Variants in CEP43 observed in about 807,000 individuals in gnomAD.
The protein encoded by CEP43 is FGFR1 oncogene partner.
CEP43 carries 36 observed loss-of-function variants against 52.6 expected under a neutral mutation model. The ratio of observed to expected loss-of-function variants is 0.68; its 90% CI spans 0.52 to 0.90. The LOEUF (loss-of-function observed/expected upper bound fraction) is 0.90. Ranked by LOEUF, CEP43 falls within the 40% of genes least tolerant of loss-of-function variation. The probability of loss-of-function intolerance (pLI) is 0.00; values close to 1 mark genes in which losing one functional copy is unlikely to be tolerated. For missense variants in CEP43, 506 were observed against 472.8 expected (o/e 1.07, Z -0.65); for synonymous variants, 192 against 172.4 (o/e 1.11, Z -0.89).
chr6:167,009,713 A>C (rs1451804727), intron 5 of CEP43, among the ~76,000 whole-genome samples: 1 of 150,794 alleles, frequency 6.6e-6, no homozygotes, highest in Non-Finnish European at 1.5e-5. Context: ...GTGCATTCCT[A>C]TAATCCCAGC....
At chr6:167,034,108 C>G in intron 12 of CEP43, 137 bp downstream of exon 12, 1 of 453,222 alleles carries the variant, frequency 2.2e-6, no homozygotes, top group Non-Finnish European at 3.9e-6. Flanking sequence ...AGACCTGGCT[C>G]GAGTTTATAA....
chr6:167,022,569 A>G lies in CEP43; in HGVS notation c.740A>G (p.Glu247Gly). 1.2e-6 allele frequency: 2 copies of G among 1,614,158 alleles called. No individual in the cohort carries two copies. The change falls in exon 8 of 13, where the codon GAA becomes GGA. Residue 247 changes from glutamate (E) to glycine (G), a missense_variant. Transcript: ENST00000366847. ...GACAAAGCTGGCCTTTGTCCAGATG[A>G]AGATGATATGGAAGGAGATTCTTTC... Reference protein sequence around the residue: ...GKDKAGLCPDEDDMEGDSFFD... With the variant: ...GKDKAGLCPDGDDMEGDSFFD...
At chr6:167,033,097 C>CCCT (rs1780506128) in intron 11 of CEP43, among the ~76,000 whole-genome samples, 2 of 94,522 alleles carry the variant, frequency 2.1e-5, no homozygotes, top group African/African-American at 8.1e-5. Context: ...GATTGCCATT[C>CCCT]TCTTTTTTTT....
At position 167,024,878 on chromosome 6, in the gene CEP43, T is replaced by C; in HGVS notation, c.903T>C (p.Ser301=). The C allele has an allele frequency of 1.2e-6, 2 of 1,606,068 alleles. No homozygotes were observed. Among genetic ancestry groups the C allele is most frequent in the Non-Finnish European group, 1.7e-6 (2 of 1,173,336 alleles). ...TCAGCTCCCTGGCGGGAGCCCCTTC[T>C]TTAAAAGACTCTGAGAGTAAGTGCC... The part of the protein sequence containing the change: ...SGLSSLAGAP[S]LKDSESKRGN... Residue 301 remains serine (S), a synonymous_variant, in exon 9 of 13, where the codon TCT becomes TCC. Transcript: ENST00000366847.
Position 167,003,818 on chromosome 6 carries a change from A to AT in CEP43, c.300+8dup. 1 of 1,548,150 alleles carries AT rather than the reference A, an allele frequency of 6.5e-7. No individual in the cohort carries two copies. The highest frequency in any genetic ancestry group is 1.4e-5 in the African/African-American group (1 of 73,694). ...TCAACCTGAAACTAGCACAGTAAGA[A>AT]TAATGATTTTTACATCTATCTTTTG... On this transcript the variant is annotated splice_region_variant and intron_variant, in intron 4 of 12. Transcript: ENST00000366847.
Position 167,040,959 on chromosome 6 carries a change from T to C in CEP43, c.*981T>C, listed in dbSNP as rs561596147. 2.0e-6 allele frequency: 2 copies of C among 1,025,556 alleles called. No homozygotes were observed. The highest frequency in any genetic ancestry group is 9.2e-5 in the South Asian group (2 of 21,628). 63.5% of individuals were successfully genotyped at this position (1,025,556 alleles called of 1,614,324 possible). Reference sequence around the variant, plus strand: ...TCTCATTTATACGGTTAAAGCATTATTGCTATTATGTAGGTCACGGATGTT... The same window carrying C: ...TCTCATTTATACGGTTAAAGCATTACTGCTATTATGTAGGTCACGGATGTT... On this transcript the variant is annotated 3_prime_UTR_variant, in exon 13 of 13. Coordinates refer to ENST00000366847, the MANE Select transcript of CEP43 (RefSeq NM_007045.4).
At chr6:167,032,567 C>T (rs768521405) in intron 10 of CEP43, 36 bp from the exon 11 acceptor site, 1 of 1,512,676 alleles carries the variant, frequency 6.6e-7, no homozygotes, top group East Asian at 2.3e-5. Flanking sequence ...TTGTGACGCA[C>T]ATTAGATATA....
chr6:167,001,248 A>G (rs1357622237), intron 2 of CEP43, among the ~76,000 whole-genome samples: 2 of 152,250 alleles, frequency 1.3e-5, no homozygotes, highest in African/African-American at 2.4e-5. Context: ...GTCCTGTCCA[A>G]GAATAATCAC....
At position 167,004,358 on chromosome 6, in the gene CEP43, T is replaced by A; in HGVS notation, c.395T>A (p.Ile132Asn). Reference protein sequence around the residue: ...TVGGPLLLEVIRRCQQKEKGP... With the variant: ...TVGGPLLLEVNRRCQQKEKGP... ...GGTGGACCCTTATTATTAGAAGTGA[T>A]CAGGCGCTGTCAACAGAAAGAAAAA... The change falls in exon 5 of 13, where the codon ATC becomes AAC. Residue 132 changes from isoleucine (I) to asparagine (N), a missense_variant. Transcript: ENST00000366847. 21 of 1,606,668 alleles carry A rather than the reference T, an allele frequency of 1.3e-5. No individual in the cohort carries two copies. Among genetic ancestry groups the A allele is most frequent in the Non-Finnish European group, 1.8e-5 (21 of 1,176,560 alleles).
At chr6:167,011,376 G>A (rs74846619) in intron 6 of CEP43, among the ~76,000 whole-genome samples, 2,227 of 152,106 alleles carry the variant, frequency 0.015, 42 homozygotes, top group African/African-American at 0.051. Context: ...TATGTACTTT[G>A]GTTACATTTG....
chr6:167,024,050 A>G (rs1273199442), intron 8 of CEP43, among the ~76,000 whole-genome samples: 2 of 152,198 alleles, frequency 1.3e-5, no homozygotes, highest in African/African-American at 4.8e-5. Context: ...AGATGGAAGA[A>G]TTAATGATGT....
At position 167,047,656 on chromosome 6, in the gene CEP43, C is replaced by A. The variant is rs992369065; in HGVS notation, c.*7678C>A. ...TGATTGTTCAGTTTCTGATGAATGT[C>A]TGTTCCCCTTTCAAAACCTAATTCA... On this transcript the variant is annotated 3_prime_UTR_variant, in exon 13 of 13. Coordinates refer to ENST00000366847, the MANE Select transcript of CEP43 (RefSeq NM_007045.4). 2.0e-5 allele frequency: 3 copies of A among 152,182 alleles called. No homozygotes were observed. The highest frequency in any genetic ancestry group is 7.2e-5 in the African/African-American group (3 of 41,434). 9.4% of individuals were successfully genotyped at this position (152,182 alleles called of 1,614,324 possible).
At position 167,024,794 on chromosome 6, in the gene CEP43, T is replaced by G. The variant is rs753708860; in HGVS notation, c.819T>G (p.Pro273=). 1.2e-6 allele frequency: 2 copies of G among 1,613,088 alleles called. No individual in the cohort carries two copies. Among genetic ancestry groups the G allele is most frequent in the Non-Finnish European group, 1.7e-6 (2 of 1,179,274 alleles). Residue 273 remains proline (P), a synonymous_variant, in exon 9 of 13, where the codon CCT becomes CCG. Transcript: ENST00000366847. ...TGTTTCTTGTTAGGAGGAAGGAACC[T>G]AGGAAGCAAGCAGGAAGTCTGGCCT... ...PEKTYGLRKE[P]RKQAGSLASL... is the part of the protein sequence containing the mutation.
chr6:167,011,683 C>T (rs922792032), intron 6 of CEP43: 2 of 153,806 alleles, frequency 1.3e-5, no homozygotes, highest in Admixed American at 1.3e-4. Context: ...TTTTTCCTCA[C>T]AGTTCTGGAG....
Position 167,022,550 on chromosome 6 carries a change from G to C in CEP43, c.721G>C (p.Ala241Pro). Residue 241 changes from alanine (A) to proline (P), a missense_variant, in exon 8 of 13, where the codon GCT (alanine) becomes CCT (proline). Coordinates refer to ENST00000366847, the MANE Select transcript of CEP43 (RefSeq NM_007045.4). ...CAGAACTTTAGATGGCAAAGACAAA[G>C]CTGGCCTTTGTCCAGATGAAGATGA... ...SNRTLDGKDK[A>P]GLCPDEDDME... 31 of 1,614,056 alleles carry C rather than the reference G, an allele frequency of 1.9e-5. No individual in the cohort carries two copies. Among genetic ancestry groups the C allele is most frequent in the Non-Finnish European group, 2.6e-5 (31 of 1,179,976 alleles).
At chr6:167,006,790 T>G (rs1361784283) in intron 5 of CEP43, among the ~76,000 whole-genome samples, 1 of 152,202 alleles carries the variant, frequency 6.6e-6, no homozygotes, top group African/African-American at 2.4e-5. Context: ...CTCTTTAAGT[T>G]CAGTGTAGTC....
chr6:167,031,036 G>C (rs1242089340), intron 10 of CEP43, among the ~76,000 whole-genome samples: 1 of 151,686 alleles, frequency 6.6e-6, no homozygotes, highest in Non-Finnish European at 1.5e-5. Flanking sequence ...CCTTACTGGT[G>C]GTTTTTACAT....
At chr6:167,034,780 T>G (rs73031587) in intron 12 of CEP43, among the ~76,000 whole-genome samples, 1 of 152,238 alleles carries the variant, frequency 6.6e-6, no homozygotes, top group Admixed American at 6.5e-5. Context: ...AACCTTTGAC[T>G]CTCAGTTTCT....
intron 6 of CEP43, among the ~76,000 whole-genome samples, chr6:167,013,144 A>C (rs16899774): frequency 0.018 from 2,786 of 152,262 alleles, 107 homozygotes; most frequent in East Asian, 0.15. Flanking sequence ...TGTGCTCCTG[A>C]GAAAGGTCAG....
Sources: allele counts gnomAD v4.1 joint callset (sites outside exome capture counted in the v4.1 genomes callset), GRCh38; gene constraint gnomAD v4.1.1; transcripts MANE v1.5; gene names NCBI Gene and HGNC (gene_info 2026-07-23, HGNC 2026-07-21).